The following TUBGCP5 variants were observed in gnomAD, a reference collection of about 807,000 sequenced individuals.
TUBGCP5 encodes tubulin gamma complex component 5, also known as gamma-tubulin complex component 5.
TUBGCP5 carries 98 observed loss-of-function variants against 134.7 expected under a neutral mutation model. That is an observed-to-expected ratio of 0.73 (90% CI 0.62 to 0.86). The LOEUF is 0.86. TUBGCP5 is among the 40% of genes least tolerant of loss of function. The pLI, the probability that TUBGCP5 is intolerant of heterozygous loss-of-function variation, is 0.00. For synonymous variants in TUBGCP5, 456 were observed against 431.4 expected (o/e 1.06, Z -0.71); for missense variants, 1,150 against 1,244.8 (o/e 0.92, Z 1.15).
Position 23,017,790 on chromosome 15 carries a change from C to A in TUBGCP5, c.1739G>T (p.Cys580Phe). The A allele has an allele frequency of 3.1e-6, 5 of 1,613,466 alleles. No homozygotes were observed. Among genetic ancestry groups the A allele is most frequent in the Non-Finnish European group, 3.4e-6 (4 of 1,179,620 alleles). ...KNLQCAESTT[C>F]QAGARDAERK... is the part of the protein sequence containing the mutation. ...ACAAGTACCTCTGGCTCCTGCCTGGCAGGTGGTGCTCTCCGCACACTGCAG... is the reference window on the plus strand; with the variant it reads ...ACAAGTACCTCTGGCTCCTGCCTGGAAGGTGGTGCTCTCCGCACACTGCAG... Residue 580 changes from cysteine to phenylalanine, a missense_variant, in exon 13 of 23, where the codon TGC (cysteine) becomes TTC (phenylalanine). Physicochemically the swap from Cys to Phe is radical, Grantham distance 205. Coordinates refer to ENST00000615383, the MANE Select transcript of TUBGCP5 (RefSeq NM_052903.6).
intron 8 of TUBGCP5, among the ~76,000 whole-genome samples, chr15:23,025,413 A>G (rs905873723): frequency 6.6e-6 from 1 of 152,194 alleles, no homozygotes; most frequent in Non-Finnish European, 1.5e-5. Flanking sequence ...GAGCATGTCA[A>G]TATCATACTT....
intron 23 of TUBGCP5, among the ~76,000 whole-genome samples, chr15:22,992,351 T>A (rs2063871434): frequency 6.6e-6 from 1 of 152,026 alleles, no homozygotes; most frequent in South Asian, 2.1e-4. Context: ...GGCTCCAGCG[T>A]CGGATGCAGA....
Position 23,022,169 on chromosome 15 carries a change from T to C in TUBGCP5, c.1169-8A>G. 6.2e-7 allele frequency: 1 copy of C among 1,613,250 alleles called. No homozygotes were observed. Reference sequence around the variant, plus strand: ...CAAGAGTTATTGTAGTATCTGCAAATATCAATAAATCAAACTCAACAGCAA... The same window carrying C: ...CAAGAGTTATTGTAGTATCTGCAAACATCAATAAATCAAACTCAACAGCAA... On this transcript the variant is annotated splice_region_variant and splice_polypyrimidine_tract_variant and intron_variant, in intron 10 of 22. Coordinates refer to ENST00000615383, the MANE Select transcript of TUBGCP5 (RefSeq NM_052903.6).
At chr15:23,005,787 G>C in intron 18 of TUBGCP5, 177 bp from the exon 19 acceptor site, 2 of 712,176 alleles carry the variant, frequency 2.8e-6, no homozygotes, top group Non-Finnish European at 4.5e-6. Context: ...AAAGTTTCCT[G>C]TATCACTTTT....
chr15:22,993,522 G>A (rs28420753), intron 23 of TUBGCP5, among the ~76,000 whole-genome samples: 1,456 of 95,946 alleles, frequency 0.015, 35 homozygotes, highest in African/African-American at 0.067. Context: ...CTCAGCCCCC[G>A]AAGTTTTTTT....
In TUBGCP5 at chr15:23,009,996, T is replaced by C; in HGVS notation, c.2093A>G (p.Gln698Arg). ...GAGATTTCCACAGCAATCTAGATAC[T>C]GCTTGTCAATATGAGGATAGAGGCA... Reference protein sequence around the residue: ...RSCLYPHIDKQYLDCCGNLMQ... With the variant: ...RSCLYPHIDKRYLDCCGNLMQ... The change falls in exon 15 of 23, where the codon CAG (glutamine) becomes CGG (arginine). Residue 698 changes from glutamine (Q) to arginine (R), a missense_variant. This residue lies in a region of TUBGCP5 where 697 missense variants were observed against 850.1 expected (regional missense o/e 0.82). Transcript: ENST00000615383. The C allele has an allele frequency of 3.7e-6, 6 of 1,614,152 alleles. No individual in the cohort carries two copies. The highest frequency in any genetic ancestry group is 4.2e-6 in the Non-Finnish European group (5 of 1,180,008).
In TUBGCP5 at chr15:23,008,885, A is replaced by C. The variant is rs763463464; in HGVS notation, c.2145-4T>G. 2.6e-6 allele frequency: 4 copies of C among 1,545,236 alleles called. No individual in the cohort carries two copies. The African/African-American group carries it at 5.7e-5, about 22-fold the overall frequency. The stretch of plus-strand genomic sequence containing the variant: ...AGCTTGCAAGTATTCTACCAACCTG[A>C]ATGGAGAGAAAATGAGTGACACTAA... On this transcript the variant is annotated splice_region_variant and splice_polypyrimidine_tract_variant and intron_variant, in intron 15 of 22. Transcript: ENST00000615383.
At chr15:23,014,183 C>T (rs1321355642) in intron 13 of TUBGCP5, among the ~76,000 whole-genome samples, 1 of 152,182 alleles carries the variant, frequency 6.6e-6, no homozygotes, top group African/African-American at 2.4e-5. Flanking sequence ...CAGACCTTTG[C>T]CCAGGAACTG....
rs1309202682 is a variant in TUBGCP5, at chr15:23,003,156, G to A, written c.2839-3C>T. 9.9e-6 allele frequency: 16 copies of A among 1,613,832 alleles called. No individual in the cohort carries two copies. Among genetic ancestry groups the A allele is most frequent in the Non-Finnish European group, 1.3e-5 (15 of 1,179,850 alleles). ...ATAGCTTCTTTCACAAAGCTGACCT[G>A]CAGACCAAAGTCACAGAACACAAAC... On this transcript the variant is annotated splice_region_variant and splice_polypyrimidine_tract_variant and intron_variant, in intron 20 of 22. Coordinates refer to ENST00000615383, the MANE Select transcript of TUBGCP5 (RefSeq NM_052903.6).
At chr15:23,009,332 G>A (rs551771077) in intron 15 of TUBGCP5, among the ~76,000 whole-genome samples, 3 of 151,088 alleles carry the variant, frequency 2.0e-5, no homozygotes, top group African/African-American at 4.9e-5. Context: ...GCAGTGGCCC[G>A]ATCTCAGCTC....
At chr15:23,009,005 T>G (rs1489647148) in intron 15 of TUBGCP5, 124 bp from the exon 16 acceptor site, 1 of 692,706 alleles carries the variant, frequency 1.4e-6, no homozygotes, top group African/African-American at 1.9e-5. Context: ...TTTACTAAAA[T>G]TAGAAATATT....
chr15:23,027,429 T>TATTTAA (rs1595893018), intron 6 of TUBGCP5, 123 bp from the exon 7 acceptor site: 8 of 704,396 alleles, frequency 1.1e-5, no homozygotes, highest in Admixed American at 2.6e-5. Flanking sequence ...AACAGCTACC[T>TATTTAA]AACATTTATG....
chr15:22,995,589 AC>A (rs1387148433), downstream of TUBGCP5, among the ~76,000 whole-genome samples: 6 of 151,050 alleles, frequency 4.0e-5, no homozygotes, highest in Non-Finnish European at 2.9e-5. Flanking sequence ...AAAAAAAAAA[AC>A]AAAACAAAAA....
rs558776246 is a variant in TUBGCP5, at chr15:23,028,336, C to T, written c.623-1030G>A. 8.4e-4 allele frequency among the ~76,000 whole-genome samples: 117 copies of T among 140,036 alleles called. 1 individual carries two copies. Among genetic ancestry groups the T allele is most frequent in the African/African-American group, 2.9e-3 (106 of 36,892 alleles). 91.9% of individuals were successfully genotyped at this position (140,036 alleles called of 152,430 possible). On this transcript the variant is annotated intron_variant, in intron 6 of 22. Transcript: ENST00000615383. Reference sequence around the variant, plus strand: ...TTGAGGCTGGAGTGAGCTGTGATCACGCTACTGCACTCCAGCCTGGGTGAC... The same window carrying T: ...TTGAGGCTGGAGTGAGCTGTGATCATGCTACTGCACTCCAGCCTGGGTGAC...
At chr15:23,026,947 A>T (rs1453337304) in intron 7 of TUBGCP5, among the ~76,000 whole-genome samples, 6 of 152,154 alleles carry the variant, frequency 3.9e-5, no homozygotes, top group African/African-American at 1.4e-4. Context: ...TGCAAAAAAA[A>T]GTAAAATAAA....
chr15:23,029,381 C>T (rs2066169037), intron 6 of TUBGCP5, among the ~76,000 whole-genome samples: 2 of 152,202 alleles, frequency 1.3e-5, no homozygotes, highest in South Asian at 4.1e-4. Context: ...GCCACTATGC[C>T]CAGCTAATTT....
chr15:22,998,710 G>A (rs1057476308), downstream of TUBGCP5, among the ~76,000 whole-genome samples: 1 of 151,010 alleles, frequency 6.6e-6, no homozygotes, highest in East Asian at 2.0e-4. Flanking sequence ...TGCCTCCTGG[G>A]TTCAAGTGAT....
chr15:23,006,183 A>G lies in TUBGCP5; in HGVS notation c.2413-11T>C. ...CACGGGCCATGGGACCTATGAAACA[A>G]AAACAAAATTAGAAAGTAACCAATT... On this transcript the variant is annotated splice_polypyrimidine_tract_variant and intron_variant, in intron 17 of 22. Coordinates refer to ENST00000615383, the MANE Select transcript of TUBGCP5 (RefSeq NM_052903.6). 6.2e-7 allele frequency: 1 copy of G among 1,608,096 alleles called. No individual in the cohort carries two copies. The highest frequency in any genetic ancestry group is 2.2e-5 in the East Asian group (1 of 44,848).
rs889617736 is a variant in TUBGCP5 at position 23,031,933 on chromosome 15, A to G, written c.486+17T>C. On this transcript the variant is annotated intron_variant, in intron 5 of 22. Coordinates refer to ENST00000615383, the MANE Select transcript of TUBGCP5 (RefSeq NM_052903.6). ...GCGTGTATTTCAATTTTCAATAGCA[A>G]AACTACTACCACTTACTGGTGTGTC... 1.9e-6 allele frequency: 3 copies of G among 1,587,282 alleles called. No homozygotes were observed. The highest frequency in any genetic ancestry group is 2.6e-6 in the Non-Finnish European group (3 of 1,165,474).
Sources: allele counts gnomAD v4.1 joint callset (sites outside exome capture counted in the v4.1 genomes callset), GRCh38; gene constraint gnomAD v4.1.1; regional missense constraint gnomAD v4.1.1; transcripts MANE v1.5; gene names NCBI Gene and HGNC (gene_info 2026-07-23, HGNC 2026-07-21).